The following PPFIA2 variants were observed in gnomAD, a reference collection of about 807,000 sequenced individuals.
PPFIA2 encodes liprin-alpha-2.
PPFIA2 carries 46 observed loss-of-function variants against 175.5 expected under a neutral mutation model. The ratio of observed to expected loss-of-function variants is 0.26; its 90% CI spans 0.21 to 0.34. PPFIA2 has a LOEUF of 0.34. Among genes scored for constraint, PPFIA2 ranks in the 10% least tolerant of loss-of-function variants. PPFIA2 has a pLI of 1.00. For synonymous variants in PPFIA2, 568 were observed against 511.4 expected, an observed-to-expected ratio of 1.11 and a Z score of -1.49; for missense variants, 1,179 against 1,506.1, an observed-to-expected ratio of 0.78 and a Z score of 3.60.
At chr12:81,707,608 G>A (rs986685461) in intron 3 of PPFIA2, among the ~76,000 whole-genome samples, 1 of 149,342 alleles carries the variant, frequency 6.7e-6, no homozygotes, top group African/African-American at 2.4e-5. Context: ...GTGGAAGTCA[G>A]TGTGGCGATT....
chr12:81,341,036 G>C, intron 20 of PPFIA2, 42 bp downstream of exon 20: 1 of 1,524,434 alleles, frequency 6.6e-7, no homozygotes, highest in Non-Finnish European at 8.9e-7. Context: ...AATATTTTTG[G>C]AAGGAGGGCA....
At chr12:81,325,702 T>G (rs1276763831) in intron 22 of PPFIA2, 75 bp downstream of exon 22, 1 of 1,090,268 alleles carries the variant, frequency 9.2e-7, no homozygotes, top group African/African-American at 1.6e-5. Context: ...CCAACCACTC[T>G]CTTTTTAATT....
intron 5 of PPFIA2, 21 bp downstream of exon 5, chr12:81,457,744 A>C: frequency 6.7e-7 from 1 of 1,488,172 alleles, no homozygotes. Context: ...ATTAATTCCA[A>C]AAAGGCTGCT....
intron 8 of PPFIA2, among the ~76,000 whole-genome samples, chr12:81,399,018 T>C (rs1487523714): frequency 6.6e-6 from 1 of 151,896 alleles, no homozygotes; most frequent in Non-Finnish European, 1.5e-5. Context: ...TCATGAGAAA[T>C]GATGAAATAG....
chr12:81,667,335 C>A (rs780870048), intron 4 of PPFIA2, among the ~76,000 whole-genome samples: 141 of 152,092 alleles, frequency 9.3e-4, no homozygotes, highest in East Asian at 7.8e-4. Flanking sequence ...TAGGTTGCAC[C>A]AATAGGATGC....
intron 4 of PPFIA2, among the ~76,000 whole-genome samples, chr12:81,510,018 A>G (rs2061601726): frequency 1.3e-5 from 2 of 152,116 alleles, no homozygotes; most frequent in African/African-American, 2.4e-5. Flanking sequence ...TTAATTTCCT[A>G]TGCTTCACGT....
chr12:81,434,844 T>A (rs1323411143), intron 7 of PPFIA2, among the ~76,000 whole-genome samples: 3 of 152,100 alleles, frequency 2.0e-5, no homozygotes, highest in Non-Finnish European at 2.9e-5. Flanking sequence ...AATGAAAAGT[T>A]ATTAAAATTT....
chr12:81,755,487 G>A (rs1285096359), intron 2 of PPFIA2, among the ~76,000 whole-genome samples: 2 of 151,958 alleles, frequency 1.3e-5, no homozygotes, highest in Admixed American at 6.6e-5. Context: ...CTGTCCTTGG[G>A]GAAAATATTT....
chr12:81,606,553 C>A (rs1235924152), intron 4 of PPFIA2, among the ~76,000 whole-genome samples: 1 of 152,050 alleles, frequency 6.6e-6, no homozygotes, highest in Admixed American at 6.6e-5. Flanking sequence ...TTTTCATTTG[C>A]AATTCTCTGA....
At chr12:81,686,226 G>T (rs1173331246) in intron 3 of PPFIA2, among the ~76,000 whole-genome samples, 1 of 152,050 alleles carries the variant, frequency 6.6e-6, no homozygotes, top group Non-Finnish European at 1.5e-5. Context: ...ATCCTCTGAT[G>T]GGAGGATGAT....
chr12:81,649,135 T>A (rs982148659), intron 4 of PPFIA2, among the ~76,000 whole-genome samples: 4 of 152,072 alleles, frequency 2.6e-5, no homozygotes, highest in Non-Finnish European at 5.9e-5. Flanking sequence ...AAATTGCTCT[T>A]TGAAAGGCAC....
At chr12:81,643,325 A>T (rs1184107348) in intron 4 of PPFIA2, among the ~76,000 whole-genome samples, 2 of 151,890 alleles carry the variant, frequency 1.3e-5, no homozygotes, top group Non-Finnish European at 2.9e-5. Context: ...CTCAACCACT[A>T]AAATACTTTT....
chr12:81,459,618 A>G (rs1156402942), intron 4 of PPFIA2, among the ~76,000 whole-genome samples: 2 of 151,764 alleles, frequency 1.3e-5, no homozygotes, highest in Non-Finnish European at 2.9e-5. Flanking sequence ...TGCTTTGAAA[A>G]TAAGAGAAAA....
chr12:81,683,958 G>A (rs1226541048), intron 3 of PPFIA2, among the ~76,000 whole-genome samples: 1 of 151,980 alleles, frequency 6.6e-6, no homozygotes, highest in Non-Finnish European at 1.5e-5. Context: ...CAGCTCTCAT[G>A]GGAACTAATA....
chr12:81,569,810 GAAGT>G (rs1450486350), intron 4 of PPFIA2, among the ~76,000 whole-genome samples: 3 of 151,934 alleles, frequency 2.0e-5, no homozygotes, highest in African/African-American at 4.8e-5. Flanking sequence ...CAAAATATAG[GAAGT>G]AAGTGCTATT....
At chr12:81,711,471 T>TTATC (rs762548103) in intron 3 of PPFIA2, among the ~76,000 whole-genome samples, 10 of 151,322 alleles carry the variant, frequency 6.6e-5, no homozygotes, top group Non-Finnish European at 1.2e-4. Context: ...ATCTATCTAT[T>TTATC]TATCTATCTA....
At chr12:81,280,411 T>G (rs1420267008) in intron 27 of PPFIA2, among the ~76,000 whole-genome samples, 1 of 152,162 alleles carries the variant, frequency 6.6e-6, no homozygotes, top group Non-Finnish European at 1.5e-5. Flanking sequence ...AATTATCCTC[T>G]ATTTATCCTA....
chr12:81,755,391 T>C (rs2084482009), intron 2 of PPFIA2, among the ~76,000 whole-genome samples: 2 of 152,160 alleles, frequency 1.3e-5, no homozygotes, highest in South Asian at 4.1e-4. Flanking sequence ...AAGGCTGATG[T>C]AAAGAAAGGC....
rs759422090 is a variant in PPFIA2 at position 81,374,637 on chromosome 12, G to T, written c.1263C>A (p.Thr421=). 11 of 1,611,694 alleles carry T rather than the reference G, an allele frequency of 6.8e-6. No individual in the cohort carries two copies. Among genetic ancestry groups the T allele is most frequent in the Non-Finnish European group, 9.3e-6 (11 of 1,178,784 alleles). ...AELAQRIAAL[T]KAEERHGNIE... is the part of the protein sequence containing the mutation. ...ACCAGTTGTTCTAGTGCAGTACCTTGGTTAGGGCTGCAATTCTCTGAGCCA... is the reference window on the plus strand; with the variant it reads ...ACCAGTTGTTCTAGTGCAGTACCTTTGTTAGGGCTGCAATTCTCTGAGCCA... Residue 421 remains threonine, a synonymous_variant, in exon 11 of 33, where the codon ACC becomes ACA. Coordinates refer to ENST00000549396, the MANE Select transcript of PPFIA2 (RefSeq NM_003625.5).
Sources: allele counts gnomAD v4.1 joint callset (sites outside exome capture counted in the v4.1 genomes callset), GRCh38; gene constraint gnomAD v4.1.1; transcripts MANE v1.5; gene names NCBI Gene and HGNC (gene_info 2026-07-23, HGNC 2026-07-21).